QTMAN: variants seen among roughly 807,000 people sequenced by gnomAD.
QTMAN encodes tRNA-queuosine alpha-mannosyltransferase.
chr2:144,133,500 AAT>A, the QTMAN span, among the ~76,000 whole-genome samples: 11 of 83,282 alleles, frequency 1.3e-4, no homozygotes, highest in Non-Finnish European at 1.7e-4. Context: ...TATATTATAT[AAT>A]ATATATACAT....
chr2:143,979,790 G>A, the QTMAN span, among the ~76,000 whole-genome samples: 1 of 152,182 alleles, frequency 6.6e-6, no homozygotes, highest in South Asian at 2.1e-4. Context: ...CCTACTAATG[G>A]ACATTTAAAT....
chr2:144,097,193 T>G, the QTMAN span, among the ~76,000 whole-genome samples: 1 of 152,258 alleles, frequency 6.6e-6, no homozygotes, highest in Non-Finnish European at 1.5e-5. Context: ...AGGATTTTCC[T>G]TTCTCTGTTC....
the QTMAN span, among the ~76,000 whole-genome samples, chr2:144,325,749 A>G: frequency 6.6e-6 from 1 of 152,194 alleles, no homozygotes. Context: ...ACACTCCACT[A>G]CCATTAAAAG....
At chr2:144,011,467 G>C in the QTMAN span, among the ~76,000 whole-genome samples, 3 of 151,880 alleles carry the variant, frequency 2.0e-5, no homozygotes, top group Non-Finnish European at 4.4e-5. Flanking sequence ...TCTAAATGTA[G>C]CTCTATGGTC....
At chr2:144,044,909 G>C in the QTMAN span, among the ~76,000 whole-genome samples, 1 of 152,150 alleles carries the variant, frequency 6.6e-6, no homozygotes, top group Non-Finnish European at 1.5e-5. Flanking sequence ...CAAGACACTA[G>C]AGCAAGTACA....
chr2:144,111,174 C>T, the QTMAN span, among the ~76,000 whole-genome samples: 1,401 of 152,260 alleles, frequency 9.2e-3, 23 homozygotes, highest in African/African-American at 0.032. Flanking sequence ...CCCAAAACCA[C>T]GGCAGGCCCA....
the QTMAN span, among the ~76,000 whole-genome samples, chr2:144,280,345 C>CA: frequency 2.6e-5 from 4 of 152,158 alleles, no homozygotes; most frequent in Admixed American, 1.3e-4. Flanking sequence ...TGGTTCCAAA[C>CA]CACATGTGCT....
the QTMAN span, among the ~76,000 whole-genome samples, chr2:143,968,319 G>A: frequency 4.6e-5 from 7 of 152,160 alleles, no homozygotes; most frequent in Non-Finnish European, 1.0e-4. Flanking sequence ...CAGCATCCCA[G>A]TTAGACAGAG....
chr2:144,133,256 AAT>A, the QTMAN span, among the ~76,000 whole-genome samples: 4 of 51,140 alleles, frequency 7.8e-5, no homozygotes, highest in Non-Finnish European at 1.2e-4. Flanking sequence ...AATATATATA[AAT>A]ATATATAAAT....
chr2:144,132,668 T>C, the QTMAN span, among the ~76,000 whole-genome samples: 2 of 152,036 alleles, frequency 1.3e-5, no homozygotes, highest in Non-Finnish European at 2.9e-5. Flanking sequence ...TCTTTTTATT[T>C]ACTTGAATTA....
chr2:143,995,719 G>A, the QTMAN span, among the ~76,000 whole-genome samples: 2 of 152,044 alleles, frequency 1.3e-5, no homozygotes, highest in African/African-American at 4.8e-5. Context: ...TTTAAAATCA[G>A]GAAGCTTAAA....
the QTMAN span, among the ~76,000 whole-genome samples, chr2:144,180,299 A>C: frequency 3.3e-5 from 5 of 152,150 alleles, no homozygotes; most frequent in Admixed American, 1.3e-4. Flanking sequence ...TGACATTTTA[A>C]ATGGAAACCA....
At chr2:144,182,831 A>ATATATATATTATATATATATTT in the QTMAN span, among the ~76,000 whole-genome samples, 5 of 67,832 alleles carry the variant, frequency 7.4e-5, no homozygotes, top group African/African-American at 1.3e-4. Flanking sequence ...TATATATAAT[A>ATATATATATTATATATATATTT]TATATATATT....
chr2:144,297,293 A>G, the QTMAN span, among the ~76,000 whole-genome samples: 160 of 152,240 alleles, frequency 1.1e-3, no homozygotes, highest in African/African-American at 3.4e-3. Context: ...CATTGTTTTA[A>G]AAGTGTGCCT....
the QTMAN span, among the ~76,000 whole-genome samples, chr2:144,076,860 A>T: frequency 6.6e-6 from 1 of 151,994 alleles, no homozygotes; most frequent in East Asian, 1.9e-4. Flanking sequence ...GGCTCAGGCC[A>T]CTAATCCCAG....
At chr2:144,070,130 T>C in the QTMAN span, among the ~76,000 whole-genome samples, 1 of 152,146 alleles carries the variant, frequency 6.6e-6, no homozygotes, top group African/African-American at 2.4e-5. Context: ...TTTGAAATTC[T>C]CAAAAATATC....
chr2:144,053,554 CATCAGTGAGTTT>C, the QTMAN span, among the ~76,000 whole-genome samples: 20 of 152,292 alleles, frequency 1.3e-4, no homozygotes, highest in Non-Finnish European at 2.5e-4. Flanking sequence ...CTGAATGAAG[CATCAGTGAGTTT>C]ATCAAGTACT....
At chr2:144,236,387 GAACT>G in the QTMAN span, among the ~76,000 whole-genome samples, 4 of 152,080 alleles carry the variant, frequency 2.6e-5, no homozygotes, top group African/African-American at 9.7e-5. Context: ...GTCTTGAAGA[GAACT>G]AACATGTTAC....
chr2:144,283,413 T>C, the QTMAN span, among the ~76,000 whole-genome samples: 3,270 of 152,192 alleles, frequency 0.021, 133 homozygotes, highest in African/African-American at 0.073. Context: ...AGTTTGAACA[T>C]AGAAGAAAAA....
Sources: allele counts gnomAD v4.1 joint callset (sites outside exome capture counted in the v4.1 genomes callset), GRCh38; gene constraint gnomAD v4.1.1; transcripts MANE v1.5; gene names NCBI Gene and HGNC (gene_info 2026-07-23, HGNC 2026-07-21).